Variants in R3HDM2 observed in about 807,000 individuals in gnomAD.
R3HDM2 encodes R3H domain-containing protein 2.
A neutral mutation model predicts 124.5 loss-of-function variants in R3HDM2; 38 were observed. The ratio of observed to expected loss-of-function variants is 0.31; its 90% CI spans 0.24 to 0.40. R3HDM2 has a LOEUF of 0.40. R3HDM2 is among the 10% of genes least tolerant of loss of function. The pLI is 1.00. For synonymous variants in R3HDM2, 391 were observed against 448.0 expected, an observed-to-expected ratio of 0.87 and a Z score of 1.61; for missense variants, 869 against 1,236.9, an observed-to-expected ratio of 0.70 and a Z score of 4.46.
At chr12:57,307,623 G>A (rs2052948906) in intron 3 of R3HDM2, among the ~76,000 whole-genome samples, 1 of 126,732 alleles carries the variant, frequency 7.9e-6, no homozygotes, top group South Asian at 2.6e-4. Context: ...ACCCAGCCAT[G>A]CTCTTTTTTT....
intron 2 of R3HDM2, among the ~76,000 whole-genome samples, chr12:57,346,803 C>T (rs553463878): frequency 6.6e-5 from 10 of 152,044 alleles, no homozygotes; most frequent in South Asian, 4.1e-4. Context: ...TGTTTGAGAG[C>T]GAAAGTTTTA....
At chr12:57,276,120 G>C (rs932211416) in intron 14 of R3HDM2, among the ~76,000 whole-genome samples, 4 of 151,584 alleles carry the variant, frequency 2.6e-5, no homozygotes, top group Non-Finnish European at 1.5e-5. Context: ...GGGAGGCTGA[G>C]GCACGAGAAT....
At chr12:57,286,263 T>TG (rs1278851235) in intron 12 of R3HDM2, among the ~76,000 whole-genome samples, 6 of 152,156 alleles carry the variant, frequency 3.9e-5, no homozygotes, top group Non-Finnish European at 7.4e-5. Flanking sequence ...TGGGTAGAGA[T>TG]GCCTGTGGAA....
Position 57,298,663 on chromosome 12 carries a change from A to T in R3HDM2, c.422-495T>A, listed in dbSNP as rs1220519819. On this transcript the variant is annotated intron_variant, in intron 6 of 23. Coordinates refer to ENST00000402412, the MANE Select transcript of R3HDM2 (RefSeq NM_001394031.1). Reference sequence around the variant, plus strand: ...TAATTAGAGGCAAATCTGCATTATTAAAAAAAAAAAAAACCAGGCCAGGCG... The same window carrying T: ...TAATTAGAGGCAAATCTGCATTATTTAAAAAAAAAAAAACCAGGCCAGGCG... 5.6e-4 allele frequency among the ~76,000 whole-genome samples: 80 copies of T among 143,022 alleles called. 1 individual carries two copies. Among genetic ancestry groups the T allele is most frequent in the Non-Finnish European group, 2.3e-4 (15 of 64,818 alleles). 93.8% of individuals were successfully genotyped at this position (143,022 alleles called of 152,430 possible).
intron 1 of R3HDM2, among the ~76,000 whole-genome samples, chr12:57,427,852 CTACACTTTGGGAT>C (rs1329666616): frequency 6.6e-6 from 1 of 152,014 alleles, no homozygotes; most frequent in Admixed American, 6.6e-5. Flanking sequence ...CCTGTAATCC[CTACACTTTGGGAT>C]TACACTTTGG....
At chr12:57,414,268 T>C (rs1391212850) in intron 1 of R3HDM2, among the ~76,000 whole-genome samples, 3 of 145,862 alleles carry the variant, frequency 2.1e-5, no homozygotes, top group African/African-American at 7.6e-5. Context: ...GGCTGATCAC[T>C]TGAGGTCAGA....
At chr12:57,290,257 G>A (rs372393535) in intron 11 of R3HDM2, among the ~76,000 whole-genome samples, 7 of 152,212 alleles carry the variant, frequency 4.6e-5, no homozygotes, top group African/African-American at 1.7e-4. Context: ...TTTTCCAGGT[G>A]TAAGTGAAGC....
At chr12:57,365,169 CAG>C (rs2062476576) in intron 2 of R3HDM2, among the ~76,000 whole-genome samples, 2 of 150,850 alleles carry the variant, frequency 1.3e-5, no homozygotes, top group South Asian at 4.2e-4. Flanking sequence ...GAGGCTGAGA[CAG>C]GAGAATCGCT....
rs2057940110 is a variant in R3HDM2 at position 57,330,212 on chromosome 12, T to C, written c.-35-19749A>G. Among the ~76,000 whole-genome samples the C allele has an allele frequency of 5.3e-5, 8 of 151,220 alleles. No individual in the cohort carries two copies. The South Asian group carries it at 1.7e-3, about 32-fold the overall frequency. On this transcript the variant is annotated intron_variant, in intron 2 of 23. Coordinates refer to ENST00000402412, the MANE Select transcript of R3HDM2 (RefSeq NM_001394031.1). ...AACTCCTGACCTCAGGTGATCCACC[T>C]GGCTCAGCTTCCCAAAGTGCTGGGA...
At chr12:57,361,705 A>C (rs2061988590) in intron 2 of R3HDM2, among the ~76,000 whole-genome samples, 1 of 152,106 alleles carries the variant, frequency 6.6e-6, no homozygotes, top group Non-Finnish European at 1.5e-5. Flanking sequence ...AACCTAAGAA[A>C]GGCATACCTA....
intron 2 of R3HDM2, among the ~76,000 whole-genome samples, chr12:57,349,565 TG>T (rs1323056035): frequency 6.7e-6 from 1 of 150,202 alleles, no homozygotes; most frequent in African/African-American, 2.5e-5. Flanking sequence ...GTTTTTTGGT[TG>T]TTTTTTTTTT....
At chr12:57,341,939 A>T (rs1593581082) in intron 2 of R3HDM2, among the ~76,000 whole-genome samples, 1 of 152,236 alleles carries the variant, frequency 6.6e-6, no homozygotes, top group South Asian at 2.1e-4. Flanking sequence ...TGAATAGTGT[A>T]AAAGTTCTAG....
intron 19 of R3HDM2, among the ~76,000 whole-genome samples, chr12:57,265,782 G>A (rs376026368): frequency 3.3e-5 from 5 of 150,880 alleles, no homozygotes; most frequent in Non-Finnish European, 4.4e-5. Flanking sequence ...TACTGGGTGC[G>A]TCACCACTCT....
intron 1 of R3HDM2, among the ~76,000 whole-genome samples, chr12:57,423,302 T>C (rs1267811774): frequency 6.6e-6 from 1 of 151,732 alleles, no homozygotes; most frequent in African/African-American, 2.4e-5. Context: ...CGCACCCCTG[T>C]AATCCCAGCT....
At chr12:57,418,873 T>C (rs1170520173) in intron 1 of R3HDM2, among the ~76,000 whole-genome samples, 1 of 152,168 alleles carries the variant, frequency 6.6e-6, no homozygotes, top group Non-Finnish European at 1.5e-5. Flanking sequence ...TCAGTATCTC[T>C]TATATAGACT....
intron 2 of R3HDM2, among the ~76,000 whole-genome samples, chr12:57,350,882 C>T (rs2060610510): frequency 6.6e-6 from 1 of 152,000 alleles, no homozygotes; most frequent in South Asian, 2.1e-4. Context: ...GGGTGAATCA[C>T]AAAGTCAGGA....
At chr12:57,360,775 G>A (rs1420183538) in intron 2 of R3HDM2, among the ~76,000 whole-genome samples, 1 of 152,170 alleles carries the variant, frequency 6.6e-6, no homozygotes, top group South Asian at 2.1e-4. Flanking sequence ...AAGGCATAGC[G>A]CTGGGCGCAG....
At chr12:57,386,552 C>A (rs181913351) in intron 2 of R3HDM2, among the ~76,000 whole-genome samples, 16 of 152,210 alleles carry the variant, frequency 1.1e-4, no homozygotes, top group Non-Finnish European at 1.9e-4. Context: ...AGCCTCCCCC[C>A]GCTTCTGTGG....
rs75907432 is a variant in R3HDM2, at chr12:57,296,059, G to A, written c.701+352C>T. The stretch of plus-strand genomic sequence containing the variant: ...TAATTTTTGTATTTTTAGTAGAGAC[G>A]GGGTTTCACCATCTTGGCCAAGCGG... On this transcript the variant is annotated intron_variant, in intron 9 of 23. Transcript: ENST00000402412. This position sits in a 1 kb window ranked among gnomAD's most constrained non-coding sequence, Gnocchi z 4.5. 6.7e-3 allele frequency among the ~76,000 whole-genome samples: 1,016 copies of A among 151,704 alleles called. 19 individuals are homozygous for A. The East Asian group carries it at 0.072, about 11-fold the overall frequency.
Sources: allele counts gnomAD v4.1 joint callset (sites outside exome capture counted in the v4.1 genomes callset), GRCh38; gene constraint gnomAD v4.1.1; non-coding constraint Gnocchi (gnomAD v3.1); transcripts MANE v1.5; gene names NCBI Gene and HGNC (gene_info 2026-07-23, HGNC 2026-07-21).